Variants in FAM193A observed in about 807,000 individuals in gnomAD.
FAM193A encodes the protein protein FAM193A.
Under a neutral mutation model 126.5 loss-of-function variants are expected in FAM193A, and 22 were observed. The observed-to-expected ratio is 0.17, with a 90% CI of 0.12 to 0.25. The LOEUF is 0.25. Among genes scored for constraint, FAM193A ranks in the 10% least tolerant of loss-of-function variants. FAM193A has a pLI of 1.00. For missense variants in FAM193A, 1,675 were observed against 1,672.8 expected, an observed-to-expected ratio of 1.00 and a Z score of -0.02; for synonymous variants, 761 against 646.8, an observed-to-expected ratio of 1.18 and a Z score of -2.68.
intron 13 of FAM193A, among the ~76,000 whole-genome samples, chr4:2,674,544 C>G (rs1420086663): frequency 2.6e-5 from 4 of 152,164 alleles, no homozygotes; most frequent in African/African-American, 9.7e-5. Context: ...TCTGCCATCA[C>G]TTTTGCATTG....
intron 1 of FAM193A, among the ~76,000 whole-genome samples, chr4:2,575,076 A>T (rs1297000089): frequency 6.6e-6 from 1 of 152,222 alleles, no homozygotes; most frequent in Non-Finnish European, 1.5e-5. Context: ...TAAAGGCAGC[A>T]CTAGGCCTTC....
chr4:2,611,207 G>T (rs1741850451), intron 2 of FAM193A, among the ~76,000 whole-genome samples: 1 of 152,118 alleles, frequency 6.6e-6, no homozygotes, highest in Non-Finnish European at 1.5e-5. Flanking sequence ...TTTACTTACA[G>T]CCATTCTAGT....
chr4:2,641,108 T>G (rs138965665), intron 6 of FAM193A, among the ~76,000 whole-genome samples: 1 of 151,264 alleles, frequency 6.6e-6, no homozygotes, highest in African/African-American at 2.4e-5. Flanking sequence ...TGGCACAATC[T>G]CAGCTCACTG....
chr4:2,596,788 AT>A (rs1740893149), intron 2 of FAM193A, among the ~76,000 whole-genome samples: 1 of 151,880 alleles, frequency 6.6e-6, no homozygotes, highest in South Asian at 2.1e-4. Context: ...CCTTACTCTT[AT>A]CTTTGACCTG....
intron 1 of FAM193A, among the ~76,000 whole-genome samples, chr4:2,589,961 C>T (rs972515180): frequency 2.6e-5 from 4 of 150,990 alleles, no homozygotes; most frequent in Non-Finnish European, 4.4e-5. Flanking sequence ...GTGATGAAAC[C>T]GCATCTCTAC....
chr4:2,584,535 A>C (rs1740126710), intron 1 of FAM193A, among the ~76,000 whole-genome samples: 1 of 152,152 alleles, frequency 6.6e-6, no homozygotes, highest in African/African-American at 2.4e-5. Flanking sequence ...CCCCTGGTAT[A>C]AGCACCATTC....
chr4:2,605,036 G>A (rs146732598), intron 2 of FAM193A, among the ~76,000 whole-genome samples: 49 of 150,678 alleles, frequency 3.3e-4, no homozygotes, highest in Admixed American at 1.6e-3. Context: ...CTTGAACTCC[G>A]GCGCCCAAGC....
intron 3 of FAM193A, 72 bp downstream of exon 3, chr4:2,625,467 C>T (rs1344659150): frequency 2.4e-5 from 15 of 616,380 alleles, no homozygotes; most frequent in Admixed American, 1.4e-4. Flanking sequence ...TGGAGCTGGA[C>T]GGAGAAACTG....
At chr4:2,655,514 G>A (rs1560527969) in intron 7 of FAM193A, among the ~76,000 whole-genome samples, 1 of 152,044 alleles carries the variant, frequency 6.6e-6, no homozygotes, top group East Asian at 1.9e-4. Context: ...GTTTCACACT[G>A]CTGGCCAGGC....
At chr4:2,639,380 A>C in intron 5 of FAM193A, among the ~76,000 whole-genome samples, 1 of 152,148 alleles carries the variant, frequency 6.6e-6, no homozygotes, top group Non-Finnish European at 1.5e-5. Flanking sequence ...TTTGAACTGT[A>C]AGGGCTTTCA....
At chr4:2,700,946 C>CA (rs1560588140) in intron 19 of FAM193A, among the ~76,000 whole-genome samples, 2 of 151,842 alleles carry the variant, frequency 1.3e-5, no homozygotes, top group African/African-American at 4.9e-5. Flanking sequence ...GCGTGGGTGA[C>CA]AGAGAGACTC....
intron 12 of FAM193A, among the ~76,000 whole-genome samples, chr4:2,666,856 A>G (rs1357877080): frequency 6.6e-6 from 1 of 152,148 alleles, no homozygotes; most frequent in Non-Finnish European, 1.5e-5. Flanking sequence ...CTAATTCTTG[A>G]TTTGGGTAAT....
intron 1 of FAM193A, among the ~76,000 whole-genome samples, chr4:2,554,569 G>C (rs988776074): frequency 6.6e-6 from 1 of 152,114 alleles, no homozygotes; most frequent in African/African-American, 2.4e-5. Flanking sequence ...ATGTCAATTA[G>C]ATCCAGTTGG....
At chr4:2,678,360 G>T (rs188183921) in intron 13 of FAM193A, among the ~76,000 whole-genome samples, 5,935 of 120,224 alleles carry the variant, frequency 0.049, 242 homozygotes, top group Non-Finnish European at 0.069. Flanking sequence ...GGTTTTGGTG[G>T]TTTTTTTTTT....
chr4:2,620,677 C>T (rs1184994773), intron 2 of FAM193A, among the ~76,000 whole-genome samples: 2 of 150,738 alleles, frequency 1.3e-5, no homozygotes, highest in East Asian at 1.9e-4. Context: ...GGTGTAACCC[C>T]GTCTCTACTA....
At chr4:2,673,737 G>GAT (rs1235440191) in intron 13 of FAM193A, among the ~76,000 whole-genome samples, 1 of 152,164 alleles carries the variant, frequency 6.6e-6, no homozygotes, top group East Asian at 1.9e-4. Context: ...TCCAAGAAAA[G>GAT]ATAATATTCT....
chr4:2,562,385 AAC>A (rs1224024407), intron 1 of FAM193A, among the ~76,000 whole-genome samples: 9 of 152,230 alleles, frequency 5.9e-5, no homozygotes, highest in African/African-American at 2.2e-4. Flanking sequence ...TTCGGAGTTA[AAC>A]ACTGCAGTGA....
chr4:2,551,147 A>T (rs1262383151), intron 1 of FAM193A, among the ~76,000 whole-genome samples: 1 of 152,112 alleles, frequency 6.6e-6, no homozygotes, highest in Non-Finnish European at 1.5e-5. Context: ...ATTAAGCATT[A>T]TTGGTCTGTT....
Position 2,723,768 on chromosome 4 carries a change from C to T in FAM193A, c.4454+7664C>T, listed in dbSNP as rs146483774. 4.3e-3 allele frequency among the ~76,000 whole-genome samples: 650 copies of T among 151,994 alleles called. 12 individuals are homozygous for T. The highest frequency in any genetic ancestry group is 0.03 in the Admixed American group (451 of 15,230). On this transcript the variant is annotated intron_variant, in intron 20 of 20. Coordinates refer to ENST00000637812, the MANE Select transcript of FAM193A (RefSeq NM_001366318.2). Reference sequence around the variant, plus strand: ...AACCTTTATGTTTTGATAGGAGACTCTGGTTTTGGAGGGTTGGGGTTTCTG... The same window carrying T: ...AACCTTTATGTTTTGATAGGAGACTTTGGTTTTGGAGGGTTGGGGTTTCTG...
Sources: gnomAD v4.1 joint callset for allele counts (sites outside exome capture counted in the v4.1 genomes callset) on GRCh38, gnomAD v4.1.1 for gene constraint, MANE v1.5 for transcripts, NCBI Gene and HGNC (gene_info 2026-07-23, HGNC 2026-07-21) for gene names.